The following ZNF841 variants were observed in gnomAD, a reference collection of about 807,000 sequenced individuals.
ZNF841 encodes zinc finger protein 841, also known as TCONS_00006091.
In ZNF841, 11 loss-of-function variants were observed where a neutral mutation model predicts 13.0. The observed-to-expected ratio is 0.85, with a 90% CI of 0.53 to 1.40. The LOEUF (loss-of-function observed/expected upper bound fraction) is 1.40. ZNF841 is among the 40% of genes most tolerant of loss of function. The probability of loss-of-function intolerance (pLI) is 0.00; values close to 1 mark genes in which losing one functional copy is unlikely to be tolerated. For synonymous variants in ZNF841, 369 were observed against 381.6 expected, an observed-to-expected ratio of 0.97 and a Z score of 0.38; for missense variants, 1,068 against 1,139.5, an observed-to-expected ratio of 0.94 and a Z score of 0.90.
downstream of ZNF841, among the ~76,000 whole-genome samples, chr19:52,059,822 T>G (rs1383075971): frequency 6.6e-6 from 1 of 152,162 alleles, no homozygotes; most frequent in Non-Finnish European, 1.5e-5. Context: ...CAGAGACTAC[T>G]CCCTTTGCAA....
Position 52,077,099 on chromosome 19 carries a change from A to G in ZNF841, c.16-15T>C, listed in dbSNP as rs1235010153. ...GTCAAAGATCCCTGAAATGAAAAAC[A>G]CATTTCAATATGAGCAGTGGGTGAG... On this transcript the variant is annotated splice_polypyrimidine_tract_variant and intron_variant, in intron 4 of 6. Coordinates refer to ENST00000594440, the MANE Select transcript of ZNF841 (RefSeq NM_001136499.2). The G allele has an allele frequency of 6.2e-7, 1 of 1,601,934 alleles. No individual in the cohort carries two copies. The highest frequency in any genetic ancestry group is 1.1e-5 in the South Asian group (1 of 89,762).
At chr19:52,069,849 C>G (rs2087691012) in intron 6 of ZNF841, among the ~76,000 whole-genome samples, 1 of 152,176 alleles carries the variant, frequency 6.6e-6, no homozygotes, top group Non-Finnish European at 1.5e-5. Context: ...TCTATGGTAT[C>G]TGATATAGCT....
chr19:52,080,309 G>A (rs2088056314), intron 4 of ZNF841, among the ~76,000 whole-genome samples: 1 of 152,140 alleles, frequency 6.6e-6, no homozygotes, highest in South Asian at 2.1e-4. Flanking sequence ...TGGACTAATT[G>A]CCTCGGGGAT....
At chr19:52,090,666 A>G (rs200313509) in intron 2 of ZNF841, among the ~76,000 whole-genome samples, 16,778 of 128,080 alleles carry the variant, frequency 0.13, 1,863 homozygotes, top group East Asian at 0.31. Flanking sequence ...AAAGAAAGAA[A>G]GAAAGAAAGA....
At chr19:52,085,734 C>A (rs779145272) in intron 3 of ZNF841, among the ~76,000 whole-genome samples, 2 of 152,116 alleles carry the variant, frequency 1.3e-5, no homozygotes, top group Non-Finnish European at 2.9e-5. Flanking sequence ...GCCTGTGTGG[C>A]TGGAGCAGAG....
intron 6 of ZNF841, among the ~76,000 whole-genome samples, chr19:52,073,506 G>A (rs972024145): frequency 1.3e-5 from 2 of 151,946 alleles, no homozygotes; most frequent in Admixed American, 6.6e-5. Flanking sequence ...TCACCATGTT[G>A]GTCAGGCTGG....
At chr19:52,089,604 A>T (rs7258314) in intron 2 of ZNF841, among the ~76,000 whole-genome samples, 1 of 152,040 alleles carries the variant, frequency 6.6e-6, no homozygotes, top group African/African-American at 2.4e-5. Context: ...CCGAGGTCAC[A>T]TCACTGCACT....
intron 4 of ZNF841, among the ~76,000 whole-genome samples, chr19:52,081,971 A>G (rs889562525): frequency 6.6e-6 from 1 of 152,246 alleles, no homozygotes; most frequent in African/African-American, 2.4e-5. Context: ...AGTGAACTCA[A>G]AGGGGATTTT....
At chr19:52,086,949 T>C (rs1034977326) in intron 3 of ZNF841, among the ~76,000 whole-genome samples, 4 of 152,176 alleles carry the variant, frequency 2.6e-5, no homozygotes, top group South Asian at 2.1e-4. Flanking sequence ...CTGAACAAGA[T>C]TGTATTGTAT....
intron 3 of ZNF841, among the ~76,000 whole-genome samples, chr19:52,086,096 G>A (rs2088264718): frequency 6.6e-6 from 1 of 152,136 alleles, no homozygotes; most frequent in Non-Finnish European, 1.5e-5. Context: ...GCAGAGAGAG[G>A]AGAGGACAAA....
chr19:52,086,137 G>A (rs1158113654), intron 3 of ZNF841, among the ~76,000 whole-genome samples: 1 of 152,154 alleles, frequency 6.6e-6, no homozygotes, highest in African/African-American at 2.4e-5. Flanking sequence ...TCAGGGGACA[G>A]GTCTGCAGGG....
Position 52,065,467 on chromosome 19 carries a change from A to G in ZNF841, c.2415T>C (p.Arg805=). 4 of 1,613,334 alleles carry G rather than the reference A, an allele frequency of 2.5e-6. No individual in the cohort carries two copies. Among genetic ancestry groups the G allele is most frequent in the Non-Finnish European group, 3.4e-6 (4 of 1,179,910 alleles). Residue 805 remains arginine (R), a synonymous_variant, in exon 7 of 7, where the codon CGT becomes CGC. Coordinates refer to ENST00000594440, the MANE Select transcript of ZNF841 (RefSeq NM_001136499.2). ...TCATCTGATGATTAAGCAGAATTGA[A>G]CGTACTCTAAAGGCTTTGCCACACT... is the stretch of plus-strand genomic sequence containing the variant. ...CNECGKAFRV[R]SILLNHQMMH...
intron 6 of ZNF841, among the ~76,000 whole-genome samples, chr19:52,068,166 A>C (rs1397254840): frequency 6.6e-6 from 1 of 152,170 alleles, no homozygotes; most frequent in Non-Finnish European, 1.5e-5. Flanking sequence ...ATTCTCCATC[A>C]ATAATAAGCA....
In ZNF841 at chr19:52,065,906, C is replaced by T; in HGVS notation, c.1976G>A (p.Gly659Asp). ...GCTTGAACGCTGAGTATAGGCTTTG[C>T]CACAATCATTACATTTATAAGGTTT... The part of the protein sequence containing the change: ...GEKPYKCNDC[G>D]KAYTQRSSLT... The change falls in exon 7 of 7, where the codon GGC becomes GAC. Residue 659 changes from glycine (G) to aspartate (D), a missense_variant. By Grantham distance (94) the Gly-to-Asp change is moderately conservative (BLOSUM62 -1). Coordinates refer to ENST00000594440, the MANE Select transcript of ZNF841 (RefSeq NM_001136499.2). 6.2e-7 allele frequency: 1 copy of T among 1,614,184 alleles called. No homozygotes were observed. Among genetic ancestry groups the T allele is most frequent in the South Asian group, 1.1e-5 (1 of 91,082 alleles).
At chr19:52,060,429 A>C (rs927020249), downstream of ZNF841, among the ~76,000 whole-genome samples, 1 of 152,174 alleles carries the variant, frequency 6.6e-6, no homozygotes, top group African/African-American at 2.4e-5. Context: ...GTGAAACTGG[A>C]AGGTTTCCGT....
At chr19:52,088,224 T>C (rs1209945356) in intron 3 of ZNF841, among the ~76,000 whole-genome samples, 2 of 152,158 alleles carry the variant, frequency 1.3e-5, no homozygotes, top group African/African-American at 2.4e-5. Context: ...ACCCTCCAGC[T>C]GCCCAACCTC....
the ZNF841 span, among the ~76,000 whole-genome samples, chr19:52,059,348 TA>T: frequency 2.0e-3 from 93 of 45,988 alleles, no homozygotes; most frequent in East Asian, 5.8e-3. Flanking sequence ...AGACTCTGTC[TA>T]AAAAAAAAAA....
chr19:52,080,009 A>AG (rs2088045439), intron 4 of ZNF841, among the ~76,000 whole-genome samples: 1 of 151,878 alleles, frequency 6.6e-6, no homozygotes, highest in Non-Finnish European at 1.5e-5. Context: ...AAAAAAAAAA[A>AG]AAAAAGAGAT....
chr19:52,069,074 CTT>C (rs898705461), intron 6 of ZNF841, among the ~76,000 whole-genome samples: 1 of 152,098 alleles, frequency 6.6e-6, no homozygotes, highest in Non-Finnish European at 1.5e-5. Flanking sequence ...TATTCATTGT[CTT>C]TTTTTGCTTT....
Sources: gnomAD v4.1 joint callset for allele counts (sites outside exome capture counted in the v4.1 genomes callset) on GRCh38, gnomAD v4.1.1 for gene constraint, MANE v1.5 for transcripts, NCBI Gene and HGNC (gene_info 2026-07-23, HGNC 2026-07-21) for gene names.